Variants in NEGR1 observed in about 807,000 individuals in gnomAD.
NEGR1 encodes the protein IgLON family member 4.
A neutral mutation model predicts 40.9 loss-of-function variants in NEGR1; 10 were observed. The observed-to-expected ratio is 0.24, with a 90% confidence interval of 0.15 to 0.42. NEGR1 has a LOEUF of 0.42. NEGR1 is among the 10% of genes least tolerant of loss of function. The pLI is 1.00. For synonymous variants in NEGR1, 185 were observed against 166.8 expected, an observed-to-expected ratio of 1.11 and a Z score of -0.84; for missense variants, 352 against 438.9, an observed-to-expected ratio of 0.80 and a Z score of 1.77.
chr1:72,140,871 T>A (rs952876086), intron 1 of NEGR1, among the ~76,000 whole-genome samples: 8 of 151,972 alleles, frequency 5.3e-5, no homozygotes, highest in African/African-American at 1.9e-4. Flanking sequence ...TCAGGATTAC[T>A]TTCCAAAAGG....
intron 4 of NEGR1, among the ~76,000 whole-genome samples, chr1:71,689,534 C>T (rs1238519253): frequency 1.3e-5 from 2 of 152,066 alleles, no homozygotes; most frequent in African/African-American, 2.4e-5. Context: ...AAAATTTTAT[C>T]ACCTAGTAAA....
chr1:71,620,925 C>T (rs1490554762), intron 4 of NEGR1, among the ~76,000 whole-genome samples: 1 of 151,826 alleles, frequency 6.6e-6, no homozygotes, highest in Non-Finnish European at 1.5e-5. Context: ...GTAAAATAGA[C>T]AGTACTTACT....
intron 4 of NEGR1, among the ~76,000 whole-genome samples, chr1:71,640,619 A>C (rs570168033): frequency 4.0e-4 from 61 of 152,182 alleles, no homozygotes; most frequent in African/African-American, 1.4e-3. Flanking sequence ...GTTCTTTATT[A>C]ATAACTCAGT....
intron 1 of NEGR1, among the ~76,000 whole-genome samples, chr1:72,059,701 T>C (rs550876688): frequency 3.3e-5 from 5 of 151,818 alleles, no homozygotes; most frequent in Middle Eastern, 3.4e-3. Context: ...GTTGCTCTTA[T>C]ATTAGGCATA....
chr1:71,838,898 G>T (rs1659136448), intron 2 of NEGR1, among the ~76,000 whole-genome samples: 1 of 152,088 alleles, frequency 6.6e-6, no homozygotes. Flanking sequence ...TCAATAAAGA[G>T]ATATTTTGAA....
At chr1:71,515,607 C>A (rs1647115605) in intron 6 of NEGR1, among the ~76,000 whole-genome samples, 1 of 74,920 alleles carries the variant, frequency 1.3e-5, no homozygotes, top group Non-Finnish European at 2.4e-5. Context: ...CCGGTACCAG[C>A]CACTGCAAAA....
chr1:71,543,564 T>A (rs1388335635), intron 6 of NEGR1, among the ~76,000 whole-genome samples: 3 of 151,736 alleles, frequency 2.0e-5, no homozygotes, highest in South Asian at 2.1e-4. Flanking sequence ...GAAAACATAA[T>A]GTGGGAGGGC....
chr1:71,988,936 A>AG (rs1646427214), intron 1 of NEGR1, among the ~76,000 whole-genome samples: 1 of 150,952 alleles, frequency 6.6e-6, no homozygotes, highest in African/African-American at 2.4e-5. Context: ...AAAAAAAAAA[A>AG]AAAAAAAAAA....
intron 1 of NEGR1, among the ~76,000 whole-genome samples, chr1:72,255,130 T>C (rs1041790963): frequency 2.0e-5 from 3 of 152,146 alleles, no homozygotes; most frequent in Non-Finnish European, 4.4e-5. Context: ...ATGAAGTTGA[T>C]GTATTATGAA....
chr1:72,032,920 C>T (rs1385327922), intron 1 of NEGR1, among the ~76,000 whole-genome samples: 3 of 152,024 alleles, frequency 2.0e-5, no homozygotes, highest in Non-Finnish European at 4.4e-5. Context: ...TTAAAGGATT[C>T]ACTCTTTCAA....
chr1:72,191,264 G>T (rs542789445), intron 1 of NEGR1, among the ~76,000 whole-genome samples: 5 of 151,720 alleles, frequency 3.3e-5, no homozygotes, highest in Non-Finnish European at 5.9e-5. Context: ...AGTGTGGATT[G>T]ATTCTTTCTC....
chr1:71,995,238 C>T (rs779098445), intron 1 of NEGR1, among the ~76,000 whole-genome samples: 1 of 152,016 alleles, frequency 6.6e-6, no homozygotes, highest in Non-Finnish European at 1.5e-5. Context: ...TTAAAGGCTT[C>T]GCTTGGTTAT....
At chr1:72,215,866 C>T (rs1227353971) in intron 1 of NEGR1, among the ~76,000 whole-genome samples, 1 of 151,866 alleles carries the variant, frequency 6.6e-6, no homozygotes, top group Admixed American at 6.6e-5. Context: ...TGGGTATATA[C>T]CCTAAGTATT....
At chr1:71,798,595 G>A (rs1030385599) in intron 2 of NEGR1, among the ~76,000 whole-genome samples, 1 of 152,080 alleles carries the variant, frequency 6.6e-6, no homozygotes, top group African/African-American at 2.4e-5. Flanking sequence ...TTTTGCTGAT[G>A]GGGCGACTAA....
intron 4 of NEGR1, among the ~76,000 whole-genome samples, chr1:71,644,729 A>G (rs1315040770): frequency 4.6e-5 from 7 of 151,986 alleles, no homozygotes; most frequent in African/African-American, 1.7e-4. Flanking sequence ...ATTAAATTAC[A>G]TAACAGCAAG....
chr1:71,946,474 A>T (rs2100262573), intron 1 of NEGR1, among the ~76,000 whole-genome samples: 1 of 152,206 alleles, frequency 6.6e-6, no homozygotes, highest in Middle Eastern at 3.4e-3. Flanking sequence ...GTAAGTTCTC[A>T]ATTTTAAATA....
chr1:71,928,063 C>CACATATGTACATATATGTATATAT (rs1645796310), intron 2 of NEGR1, among the ~76,000 whole-genome samples: 22 of 48,522 alleles, frequency 4.5e-4, no homozygotes, highest in Non-Finnish European at 6.6e-4. Flanking sequence ...TATATATACA[C>CACATATGTACATATATGTATATAT]ACACACATAT....
intron 1 of NEGR1, among the ~76,000 whole-genome samples, chr1:72,036,843 T>A (rs1646908275): frequency 1.3e-5 from 2 of 151,972 alleles, no homozygotes; most frequent in Admixed American, 1.3e-4. Context: ...ATCAATATGG[T>A]TAATTTCTTT....
In NEGR1 at chr1:71,437,612, G is replaced by A. The variant is rs111929962; in HGVS notation, c.941-30042C>T. ...AAAATATTTACAAACATTCTACTTT[G>A]CATTTAGAAATGTTATGTTCATCTA... On this transcript the variant is annotated intron_variant, in intron 6 of 6. Transcript: ENST00000357731. Among the ~76,000 whole-genome samples the A allele has an allele frequency of 6.0e-3, 916 of 152,192 alleles. 10 individuals carry two copies. Among genetic ancestry groups the A allele is most frequent in the African/African-American group, 0.021 (857 of 41,544 alleles).
Sources: allele counts gnomAD v4.1 joint callset (sites outside exome capture counted in the v4.1 genomes callset), GRCh38; gene constraint gnomAD v4.1.1; transcripts MANE v1.5; gene names NCBI Gene and HGNC (gene_info 2026-07-23, HGNC 2026-07-21).